Variants in MOB2 observed in about 807,000 individuals in gnomAD.
MOB2 encodes the protein MOB kinase activator 2, also known as MOB2 Mps One Binder homolog.
A neutral mutation model predicts 27.4 loss-of-function variants in MOB2; 14 were observed. The observed-to-expected ratio is 0.51, with a 90% confidence interval of 0.34 to 0.80. The LOEUF is 0.80. MOB2 is among the 30% of genes least tolerant of loss of function. MOB2 has a pLI of 0.01. For synonymous variants in MOB2, 167 were observed against 151.8 expected (o/e 1.10, Z -0.74); for missense variants, 304 against 354.6 (o/e 0.86, Z 1.15).
At position 1,486,416 on chromosome 11, in the gene MOB2, C is replaced by G; in HGVS notation, c.110+31G>C. On this transcript the variant is annotated intron_variant, in intron 1 of 4. Transcript: ENST00000329957. ...ACAGGGCAGACAGATGTGCTACACACCCCTCCCCCAGCCAGGCTGGCAGGT... is the reference window on the plus strand; with the variant it reads ...ACAGGGCAGACAGATGTGCTACACAGCCCTCCCCCAGCCAGGCTGGCAGGT... 3 of 1,483,778 alleles carry G rather than the reference C, an allele frequency of 2.0e-6. No homozygotes were observed. In the East Asian group the frequency reaches 7.4e-5, roughly 37 times the overall value. The allele number at this position is 1,483,778 out of a possible 1,614,324, so 91.9% of individuals were successfully genotyped here.
intron 1 of MOB2, among the ~76,000 whole-genome samples, chr11:1,483,336 C>T (rs371753442): frequency 6.6e-5 from 10 of 152,234 alleles, no homozygotes; most frequent in Non-Finnish European, 1.5e-4. Context: ...ACAGAGATGG[C>T]GCTGAAGGGA....
rs2133370852 is a variant in MOB2, at chr11:1,486,480, T to C, written c.77A>G (p.Lys26Arg). The C allele has an allele frequency of 2.0e-6, 3 of 1,535,872 alleles. No homozygotes were observed. Among genetic ancestry groups the C allele is most frequent in the Admixed American group, 3.9e-5 (2 of 51,000 alleles). ...TTTGCTGACAGCCTGAAGCACCATT[T>C]TGCAGCAGAGTCCACTTTGCAGGGA... is the stretch of plus-strand genomic sequence containing the variant. ...GQSLQSGLCC[K>R]MVLQAVSKVL... Residue 26 changes from lysine (K) to arginine (R), a missense_variant, in exon 1 of 5, where the codon AAA becomes AGA. Transcript: ENST00000329957.
At chr11:1,475,480 TTGAC>T (rs1847842532) in intron 3 of MOB2, among the ~76,000 whole-genome samples, 1 of 152,216 alleles carries the variant, frequency 6.6e-6, no homozygotes, top group Admixed American at 6.5e-5. Flanking sequence ...ACTTGATTGA[TTGAC>T]TGAGATAGGG....
At chr11:1,471,553 T>A (rs1564908289) in intron 3 of MOB2, 134 bp from the exon 4 acceptor site, 2 of 1,048,446 alleles carry the variant, frequency 1.9e-6, no homozygotes, top group Non-Finnish European at 2.8e-6. Flanking sequence ...GGTGTCTCCC[T>A]CCCTGGACAT....
intron 2 of MOB2, 117 bp downstream of exon 2, chr11:1,480,608 C>T: frequency 6.5e-7 from 1 of 1,529,204 alleles, no homozygotes; most frequent in South Asian, 1.2e-5. Flanking sequence ...CCACGGGCCA[C>T]ATTCTCCCCT....
In MOB2 at chr11:1,470,476, G is replaced by C. The variant is rs1289066793; in HGVS notation, c.503C>G (p.Pro168Arg). The change falls in exon 5 of 5, where the codon CCC becomes CGC. Residue 168 changes from proline to arginine, a missense_variant. Transcript: ENST00000329957. ...CCTCACCAGGGACTCAAAGGAGCTG[G>C]GGAATTCTCTGCCTGGGGAAGGCCA... The part of the protein sequence containing the change: ...VFPTKYGREF[P>R]SSFESLVRKI... The C allele has an allele frequency of 6.2e-7, 1 of 1,611,404 alleles. No individual in the cohort carries two copies. Among genetic ancestry groups the C allele is most frequent in the Admixed American group, 1.7e-5 (1 of 60,000 alleles).
chr11:1,482,899 C>T (rs937130840), intron 1 of MOB2, among the ~76,000 whole-genome samples: 10 of 152,198 alleles, frequency 6.6e-5, no homozygotes, highest in Non-Finnish European at 1.2e-4. Context: ...ACCTCAAGTG[C>T]CCTCCTTCCC....
chr11:1,485,649 AC>A (rs1423042775), intron 1 of MOB2, among the ~76,000 whole-genome samples: 1 of 151,694 alleles, frequency 6.6e-6, no homozygotes, highest in Non-Finnish European at 1.5e-5. Flanking sequence ...CCACCAGGCA[AC>A]CCCACCCGGG....
At chr11:1,474,772 G>T (rs577976185) in intron 3 of MOB2, among the ~76,000 whole-genome samples, 44 of 151,932 alleles carry the variant, frequency 2.9e-4, no homozygotes, top group African/African-American at 9.2e-4. Flanking sequence ...TTTGTGTGGG[G>T]CTATCTCTGG....
chr11:1,482,775 G>T, intron 1 of MOB2, among the ~76,000 whole-genome samples: 1 of 152,236 alleles, frequency 6.6e-6, no homozygotes, highest in Non-Finnish European at 1.5e-5. Context: ...AAAGGTAGTA[G>T]GACCAAGGGG....
chr11:1,471,464 C>T lies in MOB2; in HGVS notation c.366-45G>A, dbSNP rs778106366. ...GTCAGGGCATGCGCCCGCTGCACAC[C>T]CACCCAGCCACTGGGTCCCACCCGC... On this transcript the variant is annotated intron_variant, in intron 3 of 4. Coordinates refer to ENST00000329957, the MANE Select transcript of MOB2 (RefSeq NM_001172223.3). 8 of 1,572,926 alleles carry T rather than the reference C, an allele frequency of 5.1e-6. No individual in the cohort carries two copies. The Admixed American group carries it at 8.7e-5, about 17-fold the overall frequency.
At chr11:1,475,736 C>T (rs1204959647) in intron 3 of MOB2, among the ~76,000 whole-genome samples, 2 of 152,228 alleles carry the variant, frequency 1.3e-5, no homozygotes, top group Non-Finnish European at 2.9e-5. Flanking sequence ...GATCCAAGTA[C>T]TCAACACGCA....
intron 1 of MOB2, among the ~76,000 whole-genome samples, chr11:1,486,010 T>C (rs909717190): frequency 6.6e-6 from 1 of 152,214 alleles, no homozygotes; most frequent in Non-Finnish European, 1.5e-5. Flanking sequence ...CTGAAGCCCC[T>C]GCCCAGGGCA....
intron 3 of MOB2, 64 bp from the exon 4 acceptor site, chr11:1,471,483 C>T (rs1847790446): frequency 6.4e-7 from 1 of 1,556,854 alleles, no homozygotes; most frequent in East Asian, 2.3e-5. Context: ...CACTGGGTCC[C>T]ACCCGCTCAG....
At chr11:1,471,252 G>GC in intron 4 of MOB2, 43 bp downstream of exon 4, 1 of 1,586,822 alleles carries the variant, frequency 6.3e-7, no homozygotes, top group Non-Finnish European at 8.6e-7. Context: ...AATGCTCCCT[G>GC]CCCCACTGTG....
chr11:1,475,275 A>G (rs978882577), intron 3 of MOB2, among the ~76,000 whole-genome samples: 6 of 152,002 alleles, frequency 3.9e-5, no homozygotes, highest in African/African-American at 1.2e-4. Flanking sequence ...TGACCTCACT[A>G]AATTTATATT....
In MOB2 at chr11:1,484,036, G is replaced by A. The variant is rs1045375825; in HGVS notation, c.110+2411C>T. The stretch of plus-strand genomic sequence containing the variant: ...CCTGAGGGACGAGGACAGCACAACC[G>A]AGTGCCCTGCACCTTTGCCACGAGT... On this transcript the variant is annotated intron_variant, in intron 1 of 4. Transcript: ENST00000329957. Among the ~76,000 whole-genome samples the A allele has an allele frequency of 3.9e-5, 6 of 152,332 alleles. No individual in the cohort carries two copies. In the South Asian group the frequency reaches 8.3e-4, roughly 21 times the overall value.
intron 3 of MOB2, chr11:1,471,724 C>T (rs1026671245): frequency 6.7e-5 from 20 of 300,430 alleles, no homozygotes; most frequent in Middle Eastern, 1.9e-3. Context: ...TCGTTTTCTC[C>T]GCTTCTACAT....
In MOB2 at chr11:1,486,637, C is replaced by A; in HGVS notation, c.-81G>T. On this transcript the variant is annotated 5_prime_UTR_variant, in exon 1 of 5. Coordinates refer to ENST00000329957, the MANE Select transcript of MOB2 (RefSeq NM_001172223.3). ...CACTCGCAAATGCCTGCTGCCGGGCCCTCCAGCCTCACTCCCTGGCCAATG... is the reference window on the plus strand; with the variant it reads ...CACTCGCAAATGCCTGCTGCCGGGCACTCCAGCCTCACTCCCTGGCCAATG... 2 of 935,836 alleles carry A rather than the reference C, an allele frequency of 2.1e-6. No homozygotes were observed. The highest frequency in any genetic ancestry group is 1.5e-5 in the South Asian group (1 of 66,314). 58.0% of individuals were successfully genotyped at this position (935,836 alleles called of 1,614,324 possible).
Sources: allele counts gnomAD v4.1 joint callset (sites outside exome capture counted in the v4.1 genomes callset), GRCh38; gene constraint gnomAD v4.1.1; transcripts MANE v1.5; gene names NCBI Gene and HGNC (gene_info 2026-07-23, HGNC 2026-07-21).